Variants in EFTUD2 observed in about 807,000 individuals in gnomAD.
EFTUD2 encodes elongation factor Tu GTP binding domain containing 2, also known as 116 kDa U5 small nuclear ribonucleoprotein component.
Under a neutral mutation model 114.3 loss-of-function variants are expected in EFTUD2, and 9 were observed. The ratio of observed to expected loss-of-function variants is 0.08; its 90% CI spans 0.05 to 0.14. The LOEUF (loss-of-function observed/expected upper bound fraction) is 0.14. Among genes scored for constraint, EFTUD2 ranks in the 10% least tolerant of loss-of-function variants. The pLI is 1.00. For missense variants in EFTUD2, 765 were observed against 1,241.2 expected (o/e 0.62, Z 5.76); for synonymous variants, 449 against 462.3 (o/e 0.97, Z 0.37).
Position 44,886,724 on chromosome 17 carries a change from G to T in EFTUD2, c.132C>A (p.Asp44Glu). The T allele has an allele frequency of 3.7e-6, 6 of 1,613,862 alleles. No individual in the cohort carries two copies. The highest frequency in any genetic ancestry group is 5.1e-6 in the Non-Finnish European group (6 of 1,179,944). The change falls in exon 3 of 28, where the codon GAC becomes GAA. Residue 44 changes from aspartate (D) to glutamate (E), a missense_variant. Coordinates refer to ENST00000426333, the MANE Select transcript of EFTUD2 (RefSeq NM_004247.4). ...GGTGGTCATCGTCATGATCTCCTAC[G>T]TCATCGTCGTCGTCATCATCATCCA... Reference protein sequence around the residue: ...DEMDDDDDDDDVGDHDDDHPG... With the variant: ...DEMDDDDDDDEVGDHDDDHPG...
intron 1 of EFTUD2, among the ~76,000 whole-genome samples, chr17:44,898,276 G>T (rs943981340): frequency 2.6e-5 from 4 of 152,040 alleles, no homozygotes; most frequent in Non-Finnish European, 4.4e-5. Context: ...GGAGTACAAC[G>T]GCACGATCTC....
intron 18 of EFTUD2, 131 bp downstream of exon 18, chr17:44,859,773 TG>T: frequency 7.0e-7 from 1 of 1,436,228 alleles, no homozygotes; most frequent in Non-Finnish European, 9.5e-7. Context: ...AGCCATAGGC[TG>T]GGCTTGCTCC....
At chr17:44,879,875 G>C (rs2051038814) in intron 8 of EFTUD2, among the ~76,000 whole-genome samples, 1 of 152,178 alleles carries the variant, frequency 6.6e-6, no homozygotes, top group South Asian at 2.1e-4. Context: ...ATGCCCAGGA[G>C]AGCATGAGTC....
chr17:44,881,364 T>A (rs563188861), intron 7 of EFTUD2, among the ~76,000 whole-genome samples: 2 of 152,240 alleles, frequency 1.3e-5, no homozygotes, highest in Non-Finnish European at 2.9e-5. Flanking sequence ...GATGTCATTT[T>A]AAAAAAATCA....
intron 26 of EFTUD2, 127 bp downstream of exon 26, chr17:44,852,282 C>A: frequency 8.2e-7 from 1 of 1,213,094 alleles, no homozygotes; most frequent in Non-Finnish European, 1.1e-6. Flanking sequence ...ATATATGCTC[C>A]CCAGAGGAGG....
intron 1 of EFTUD2, among the ~76,000 whole-genome samples, chr17:44,897,488 A>C (rs985164578): frequency 2.6e-5 from 4 of 152,322 alleles, no homozygotes; most frequent in South Asian, 2.1e-4. Context: ...AGAGTTGACA[A>C]ACTCTGACCT....
chr17:44,889,787 T>C (rs1259408092), intron 2 of EFTUD2, among the ~76,000 whole-genome samples: 1 of 152,194 alleles, frequency 6.6e-6, no homozygotes, highest in Non-Finnish European at 1.5e-5. Context: ...TTAGCTCTTT[T>C]GGCAGCCACA....
At chr17:44,866,545 AT>A (rs2050749134) in intron 13 of EFTUD2, among the ~76,000 whole-genome samples, 1 of 152,012 alleles carries the variant, frequency 6.6e-6, no homozygotes, top group Non-Finnish European at 1.5e-5. Flanking sequence ...CGCCTGGCTA[AT>A]TTTTGTATTT....
intron 9 of EFTUD2, among the ~76,000 whole-genome samples, chr17:44,878,276 A>T (rs886869608): frequency 5.3e-5 from 8 of 152,264 alleles, no homozygotes; most frequent in African/African-American, 1.7e-4. Context: ...CCAGATTCTA[A>T]TAACCAGAGC....
At chr17:44,862,237 C>T (rs7224602) in intron 16 of EFTUD2, among the ~76,000 whole-genome samples, 39,826 of 151,912 alleles carry the variant, frequency 0.26, 5,277 homozygotes, top group Non-Finnish European at 0.28. Flanking sequence ...GAGTTGGAGA[C>T]CAGCCTGGGC....
At chr17:44,851,407 G>C in intron 27 of EFTUD2, 38 bp from the exon 28 acceptor site, 8 of 1,530,000 alleles carry the variant, frequency 5.2e-6, no homozygotes, top group Non-Finnish European at 7.2e-6. Flanking sequence ...AGCCCGAGGT[G>C]GTCGCAGACT....
Position 44,876,060 on chromosome 17 carries a change from T to G in EFTUD2, c.743A>C (p.Gln248Pro). The G allele has an allele frequency of 1.9e-6, 3 of 1,614,020 alleles. No homozygotes were observed. The highest frequency in any genetic ancestry group is 2.5e-6 in the Non-Finnish European group (3 of 1,179,968). Reference protein sequence around the residue: ...NTERLIKHAVQERLAVTVCIN... With the variant: ...NTERLIKHAVPERLAVTVCIN... ...GCACACAGTGACTGCCAGCCTCTCCTGCACCGCATGCTTGATCAGCCGCTC... is the reference window on the plus strand; with the variant it reads ...GCACACAGTGACTGCCAGCCTCTCCGGCACCGCATGCTTGATCAGCCGCTC... Residue 248 changes from glutamine to proline, a missense_variant, in exon 10 of 28, where the codon CAG becomes CCG. By Grantham distance (76) the Gln-to-Pro change is moderately conservative. Coordinates refer to ENST00000426333, the MANE Select transcript of EFTUD2 (RefSeq NM_004247.4).
chr17:44,886,082 CA>C (rs1380118488), intron 3 of EFTUD2, among the ~76,000 whole-genome samples: 7 of 152,164 alleles, frequency 4.6e-5, no homozygotes, highest in African/African-American at 1.7e-4. Flanking sequence ...ACTAAAAATA[CA>C]AAAATTAGCC....
chr17:44,855,146 T>A (rs2050526031), intron 20 of EFTUD2, 142 bp from the exon 21 acceptor site: 3 of 732,164 alleles, frequency 4.1e-6, no homozygotes, highest in Admixed American at 4.1e-5. Flanking sequence ...TTCAGACCTG[T>A]AATCCCAGCA....
In EFTUD2 at chr17:44,880,551, T is replaced by C; in HGVS notation, c.619+3A>G. 1.2e-6 allele frequency: 2 copies of C among 1,612,116 alleles called. No individual in the cohort carries two copies. Among genetic ancestry groups the C allele is most frequent in the Non-Finnish European group, 8.5e-7 (1 of 1,178,460 alleles). The stretch of plus-strand genomic sequence containing the variant: ...AATAATCAAAAGCCAAAGGATGTCC[T>C]ACCTGGAGTGTCCATGATATTGAAG... On this transcript the variant is annotated splice_donor_region_variant and intron_variant, in intron 8 of 27. Transcript: ENST00000426333.
intron 2 of EFTUD2, among the ~76,000 whole-genome samples, chr17:44,887,404 G>C (rs550165308): frequency 3.9e-5 from 6 of 152,306 alleles, no homozygotes; most frequent in Non-Finnish European, 5.9e-5. Context: ...TAGCCAAAAA[G>C]TGGGAACAAC....
intron 16 of EFTUD2, among the ~76,000 whole-genome samples, chr17:44,861,713 G>T (rs1198684790): frequency 6.6e-6 from 1 of 151,830 alleles, no homozygotes; most frequent in Admixed American, 6.6e-5. Flanking sequence ...CAGGTTGGGC[G>T]ACAGAGTGAG....
rs1487772387 is a variant in EFTUD2 at position 44,879,600 on chromosome 17, G to A, written c.658C>T (p.Arg220Cys). The change falls in exon 9 of 28, where the codon CGC becomes TGC. Residue 220 changes from arginine (R) to cysteine (C), a missense_variant. Physicochemically the swap from Arg to Cys is radical, Grantham distance 180. This residue lies in a region of EFTUD2 where 251 missense variants were observed against 357.7 expected (regional missense o/e 0.70). Transcript: ENST00000426333. The stretch of plus-strand genomic sequence containing the variant: ...AAAAGGACCACTCCATCTGAGATGC[G>A]CAAGCCAGCTGTGACCTCATCAGAG... ...NFSDEVTAGL[R>C]ISDGVVLFID... 1.2e-5 allele frequency: 20 copies of A among 1,613,778 alleles called. No homozygotes were observed. Among genetic ancestry groups the A allele is most frequent in the Non-Finnish European group, 1.5e-5 (18 of 1,179,914 alleles).
In EFTUD2 at chr17:44,854,416, G is replaced by A; in HGVS notation, c.2260-60C>T. 1 of 1,590,294 alleles carries A rather than the reference G, an allele frequency of 6.3e-7. No homozygotes were observed. The highest frequency in any genetic ancestry group is 1.1e-5 in the South Asian group (1 of 88,786). ...CCTGGCAACGGCTGAAGCATTTAGA[G>A]GGAGAAGACAGATGTGCCTGTAAGG... On this transcript the variant is annotated intron_variant, in intron 22 of 27. Transcript: ENST00000426333. The surrounding 1 kb of genome is among the most constrained non-coding windows in gnomAD (Gnocchi z 4.3).
Sources: gnomAD v4.1 joint callset for allele counts (sites outside exome capture counted in the v4.1 genomes callset) on GRCh38, gnomAD v4.1.1 for gene constraint, gnomAD v4.1.1 regional missense constraint, Gnocchi (gnomAD v3.1) non-coding constraint, MANE v1.5 for transcripts, NCBI Gene and HGNC (gene_info 2026-07-23, HGNC 2026-07-21) for gene names.